The following DMD variants were observed in gnomAD, a reference collection of about 807,000 sequenced individuals.
DMD encodes mutant dystrophin.
A neutral mutation model predicts 330.1 loss-of-function variants in DMD; 63 were observed. The ratio of observed to expected loss-of-function variants is 0.19; its 90% CI spans 0.16 to 0.24. The LOEUF (loss-of-function observed/expected upper bound fraction) is 0.24, where lower values mean the gene tolerates loss of function less well. Ranked by LOEUF, DMD falls within the 10% of genes least tolerant of loss-of-function variation. The pLI is 1.00. For missense variants in DMD, 3,344 were observed against 2,684.1 expected (o/e 1.25, Z -5.43); for synonymous variants, 1,223 against 959.8 (o/e 1.27, Z -5.07).
intron 9 of DMD, among the ~76,000 whole-genome samples, chrX:32,656,084 G>A (rs914676795): frequency 1.8e-5 from 2 of 111,427 alleles, no homozygotes; most frequent in African/African-American, 6.5e-5. Context: ...GAAAGTTTAG[G>A]GGACAATTTG....
chrX:32,875,544 C>T (rs977441261), intron 2 of DMD, among the ~76,000 whole-genome samples: 2 of 111,632 alleles, frequency 1.8e-5, no homozygotes, highest in Admixed American at 9.5e-5. Context: ...TTGTAAGCAC[C>T]GAAGAATAAA....
intron 62 of DMD, among the ~76,000 whole-genome samples, chrX:31,320,485 A>G (rs1204426344): frequency 8.9e-6 from 1 of 112,282 alleles, no homozygotes; most frequent in Non-Finnish European, 1.9e-5. Context: ...AAGACAAACA[A>G]GATAAAAAAG....
chrX:32,805,279 G>A (rs752299161), intron 7 of DMD, among the ~76,000 whole-genome samples: 1 of 111,660 alleles, frequency 9.0e-6, no homozygotes, highest in Non-Finnish European at 1.9e-5. Flanking sequence ...ATGACCTGAT[G>A]GAACTGAAAA....
At chrX:32,732,473 A>T (rs2067826359) in intron 7 of DMD, among the ~76,000 whole-genome samples, 1 of 110,857 alleles carries the variant, frequency 9.0e-6, no homozygotes, top group Non-Finnish European at 1.9e-5. Context: ...GATTCACCAA[A>T]GTTGAAATGA....
At chrX:32,338,139 A>T (rs1199570369) in intron 41 of DMD, among the ~76,000 whole-genome samples, 2 of 111,221 alleles carry the variant, frequency 1.8e-5, no homozygotes, top group Non-Finnish European at 3.8e-5. Context: ...TCTAATATCT[A>T]TTGTTGATGA....
intron 9 of DMD, among the ~76,000 whole-genome samples, chrX:32,667,676 T>A (rs1244729912): frequency 1.8e-5 from 2 of 111,371 alleles, no homozygotes; most frequent in Non-Finnish European, 3.8e-5. Context: ...AAAGATCACA[T>A]GTATAATATT....
intron 17 of DMD, among the ~76,000 whole-genome samples, chrX:32,519,899 T>A (rs1467745110): frequency 8.9e-6 from 1 of 112,204 alleles, no homozygotes; most frequent in Non-Finnish European, 1.9e-5. Context: ...CACAAAATTC[T>A]TTGGTTAGGT....
chrX:31,920,862 C>T (rs1337569125), intron 47 of DMD, among the ~76,000 whole-genome samples: 1 of 112,244 alleles, frequency 8.9e-6, no homozygotes, highest in East Asian at 2.8e-4. Context: ...TATACATTTT[C>T]AGTATGTAGA....
At chrX:32,507,755 G>A (rs1011166482) in intron 18 of DMD, among the ~76,000 whole-genome samples, 4 of 111,625 alleles carry the variant, frequency 3.6e-5, no homozygotes, top group Non-Finnish European at 5.6e-5. Flanking sequence ...TATAGTTTAT[G>A]TACATAATTT....
intron 1 of DMD, among the ~76,000 whole-genome samples, chrX:33,066,441 TC>T (rs2148122311): frequency 1.7e-5 from 1 of 57,968 alleles, no homozygotes; most frequent in African/African-American, 8.9e-5. Context: ...ACAGTGAGAC[TC>T]TGTCAAAAAA....
intron 44 of DMD, among the ~76,000 whole-genome samples, chrX:32,178,071 G>T (rs2096912344): frequency 9.2e-6 from 1 of 108,807 alleles, no homozygotes; most frequent in Non-Finnish European, 1.9e-5. Flanking sequence ...TGTTGCGGAT[G>T]TTAGAAAGGA....
intron 33 of DMD, among the ~76,000 whole-genome samples, chrX:32,383,408 A>T (rs1183288523): frequency 3.6e-5 from 4 of 111,685 alleles, no homozygotes; most frequent in African/African-American, 9.7e-5. Context: ...AAAAAGAATA[A>T]TGTAATAACA....
rs192194441 is a variant in DMD at position 33,168,115 on chromosome X, G to T, written c.31+43167C>A. On this transcript the variant is annotated intron_variant, in intron 1 of 78. Coordinates refer to ENST00000357033, the MANE Select transcript of DMD (RefSeq NM_004006.3). ...GGAAGAGTAGCGTGTGTGCATGTGT[G>T]TGTGTGTTTGTGTGTGTATATATTT... Among the ~76,000 whole-genome samples, 213 of 110,043 alleles carry T rather than the reference G, an allele frequency of 1.9e-3. 1 individual carries two copies. The highest frequency in any genetic ancestry group is 6.7e-3 in the African/African-American group (204 of 30,391).
intron 7 of DMD, among the ~76,000 whole-genome samples, chrX:32,767,896 G>A (rs1439973899): frequency 9.0e-6 from 1 of 111,323 alleles, no homozygotes; most frequent in Non-Finnish European, 1.9e-5. Flanking sequence ...CTCTGTTTGG[G>A]AGAAAGGTGC....
intron 11 of DMD, among the ~76,000 whole-genome samples, chrX:32,616,839 C>G (rs183539941): frequency 9.4e-6 from 1 of 106,821 alleles, no homozygotes. Flanking sequence ...GTGTACTCAC[C>G]CATAAATACT....
At chrX:32,188,715 A>G (rs756912537) in intron 44 of DMD, among the ~76,000 whole-genome samples, 1 of 109,282 alleles carries the variant, frequency 9.2e-6, no homozygotes, top group East Asian at 2.9e-4. Context: ...TATTAATAAA[A>G]TTGTTTCCAA....
intron 1 of DMD, among the ~76,000 whole-genome samples, chrX:33,076,133 C>A (rs5928168): frequency 9.1e-6 from 1 of 110,133 alleles, no homozygotes; most frequent in Non-Finnish European, 1.9e-5. Context: ...TATGACCCCC[C>A]ACTCAGGAAC....
At chrX:32,654,744 A>G (rs1456105213) in intron 9 of DMD, among the ~76,000 whole-genome samples, 2 of 111,606 alleles carry the variant, frequency 1.8e-5, no homozygotes, top group Admixed American at 1.9e-4. Context: ...TCTTCCTTGT[A>G]CCTCTGGTAG....
At chrX:31,674,820 A>G (rs991051853) in intron 53 of DMD, among the ~76,000 whole-genome samples, 3 of 112,711 alleles carry the variant, frequency 2.7e-5, no homozygotes, top group African/African-American at 9.7e-5. Context: ...TATGAACTCA[A>G]CCAAGAATCC....
Sources: gnomAD v4.1 joint callset for allele counts (sites outside exome capture counted in the v4.1 genomes callset) on GRCh38, gnomAD v4.1.1 for gene constraint, MANE v1.5 for transcripts, NCBI Gene and HGNC (gene_info 2026-07-23, HGNC 2026-07-21) for gene names.